OSBPL9: variants seen among roughly 807,000 people sequenced by gnomAD.
The protein encoded by OSBPL9 is oxysterol binding protein like 9.
A neutral mutation model predicts 106.6 loss-of-function variants in OSBPL9; 40 were observed. That is an observed-to-expected ratio of 0.38 (90% confidence interval 0.29 to 0.49). The LOEUF is 0.49. Ranked by LOEUF, OSBPL9 falls within the 20% of genes least tolerant of loss-of-function variation. The pLI, the probability that OSBPL9 is intolerant of heterozygous loss-of-function variation, is 0.97. For missense variants in OSBPL9, 609 were observed against 887.2 expected, an observed-to-expected ratio of 0.69 and a Z score of 3.98; for synonymous variants, 269 against 295.4, an observed-to-expected ratio of 0.91 and a Z score of 0.92.
At chr1:51,783,790 C>T (rs1412307148) in intron 17 of OSBPL9, 125 bp from the exon 18 acceptor site, 4 of 685,594 alleles carry the variant, frequency 5.8e-6, no homozygotes, top group East Asian at 2.7e-5. Context: ...TACCTCCTGG[C>T]GTAATTGGAG....
intron 4 of OSBPL9, among the ~76,000 whole-genome samples, chr1:51,731,456 G>GCAAAACAAAA (rs559132958): frequency 6.6e-6 from 1 of 151,740 alleles, no homozygotes; most frequent in Non-Finnish European, 1.5e-5. Context: ...CTGTCTCAAA[G>GCAAAACAAAA]CAAAACAAAA....
At chr1:51,713,241 C>T (rs1660436509) in intron 3 of OSBPL9, among the ~76,000 whole-genome samples, 1 of 152,104 alleles carries the variant, frequency 6.6e-6, no homozygotes, top group Non-Finnish European at 1.5e-5. Context: ...CCTCCGCCTC[C>T]CGGGTTCAAG....
At chr1:51,699,652 C>T (rs1215043519) in intron 3 of OSBPL9, among the ~76,000 whole-genome samples, 2 of 152,052 alleles carry the variant, frequency 1.3e-5, no homozygotes, top group African/African-American at 4.8e-5. Flanking sequence ...CATTTTATAC[C>T]TTCTCTGTCC....
intron 1 of OSBPL9, among the ~76,000 whole-genome samples, chr1:51,623,949 G>A (rs1275000589): frequency 1.3e-5 from 2 of 149,504 alleles, no homozygotes; most frequent in Admixed American, 6.7e-5. Context: ...TCGGAGTCTC[G>A]CTCTGTCACC....
chr1:51,604,141 A>G (rs543425317), intron 2 of OSBPL9, among the ~76,000 whole-genome samples: 20 of 152,338 alleles, frequency 1.3e-4, no homozygotes, highest in African/African-American at 4.8e-4. Context: ...TGTGTTCCCT[A>G]TAATAGCCTT....
At chr1:51,566,331 A>T in the OSBPL9 span, 1 of 152,188 alleles carries the variant, frequency 6.6e-6, no homozygotes, top group Admixed American at 6.6e-5. Context: ...ATGCCCTCTG[A>T]TGTCAGGTTT....
intron 4 of OSBPL9, chr1:51,745,113 A>G (rs1189119720): frequency 6.3e-6 from 1 of 158,816 alleles, no homozygotes; most frequent in Non-Finnish European, 1.4e-5. Context: ...CTAAACAGTG[A>G]GAATATGAAG....
rs573562834 is a variant in OSBPL9, at chr1:51,781,442, C to G, written c.1428+107C>G. On this transcript the variant is annotated intron_variant, in intron 16 of 23. Coordinates refer to ENST00000428468, the MANE Select transcript of OSBPL9 (RefSeq NM_024586.6). ...AAAGCAATGATCAAAAGATGGTCAC[C>G]ACCCATAGAAGAAATTGTTGTTAGA... 7.7e-5 allele frequency: 87 copies of G among 1,135,284 alleles called. 1 individual carries two copies. The African/African-American group carries it at 1.3e-3, about 16-fold the overall frequency. 70.3% of individuals were successfully genotyped at this position (1,135,284 alleles called of 1,614,324 possible).
intron 4 of OSBPL9, among the ~76,000 whole-genome samples, chr1:51,732,047 G>T (rs1664581736): frequency 6.6e-6 from 1 of 152,188 alleles, no homozygotes; most frequent in Non-Finnish European, 1.5e-5. Flanking sequence ...AATGTGAAAA[G>T]ATTATTATAT....
intron 2 of OSBPL9, among the ~76,000 whole-genome samples, chr1:51,600,799 A>G (rs569504909): frequency 6.6e-6 from 1 of 152,330 alleles, no homozygotes; most frequent in East Asian, 1.9e-4. Flanking sequence ...AGCACTTGGC[A>G]CAGAATAAGA....
At chr1:51,567,999 T>A in the OSBPL9 span, among the ~76,000 whole-genome samples, 1 of 152,234 alleles carries the variant, frequency 6.6e-6, no homozygotes, top group African/African-American at 2.4e-5. Context: ...GAGAAGGATT[T>A]AATAAAAGGA....
chr1:51,575,194 T>C (rs576443881), upstream of OSBPL9, among the ~76,000 whole-genome samples: 22 of 151,936 alleles, frequency 1.4e-4, no homozygotes, highest in African/African-American at 5.1e-4. Flanking sequence ...AATATCTAGG[T>C]TTTGTTTGTT....
intron 5 of OSBPL9, 129 bp from the exon 6 acceptor site, chr1:51,746,581 G>T: frequency 3.9e-5 from 24 of 611,024 alleles, no homozygotes; most frequent in Non-Finnish European, 4.5e-5. Context: ...ATGTTGTCTT[G>T]AAAATAACAT....
At chr1:51,652,299 A>G (rs184174983) in intron 2 of OSBPL9, among the ~76,000 whole-genome samples, 11 of 152,308 alleles carry the variant, frequency 7.2e-5, no homozygotes, top group African/African-American at 2.2e-4. Flanking sequence ...TTAAACCTCT[A>G]CTTTACAGAC....
At chr1:51,527,690 G>T in the OSBPL9 span, among the ~76,000 whole-genome samples, 1 of 152,046 alleles carries the variant, frequency 6.6e-6, no homozygotes, top group Non-Finnish European at 1.5e-5. Flanking sequence ...CACTGTGGCT[G>T]GGTGCCTGCC....
At chr1:51,646,051 G>A (rs2148688882) in intron 1 of OSBPL9, among the ~76,000 whole-genome samples, 1 of 152,312 alleles carries the variant, frequency 6.6e-6, no homozygotes, top group East Asian at 1.9e-4. Context: ...AGAAGTGTGA[G>A]TCCTCCAATG....
At chr1:51,692,912 A>G (rs139965046) in intron 3 of OSBPL9, among the ~76,000 whole-genome samples, 1 of 152,288 alleles carries the variant, frequency 6.6e-6, no homozygotes, top group East Asian at 1.9e-4. Flanking sequence ...AGAAAAAGAT[A>G]GTGCAGGATA....
At chr1:51,685,635 T>C (rs1330637565) in intron 3 of OSBPL9, among the ~76,000 whole-genome samples, 1 of 152,154 alleles carries the variant, frequency 6.6e-6, no homozygotes, top group Non-Finnish European at 1.5e-5. Context: ...TGACCTCAAG[T>C]TATCTGCCCG....
Position 51,633,063 on chromosome 1 carries a change from TCTC to T in OSBPL9, c.111+15845_111+15847del, listed in dbSNP as rs2148657675. On this transcript the variant is annotated intron_variant, in intron 1 of 23. Transcript: ENST00000428468. ...CCTCCACCTCCTGGGTTCAAGCAAT[TCTC>T]CTGCCTCAGCCTCCCAGGTAGCTGG... 2.0e-5 allele frequency among the ~76,000 whole-genome samples: 3 copies of T among 152,064 alleles called. No homozygotes were observed. In the East Asian group the frequency reaches 5.9e-4, roughly 30 times the overall value.
Sources: gnomAD v4.1 joint callset for allele counts (sites outside exome capture counted in the v4.1 genomes callset) on GRCh38, gnomAD v4.1.1 for gene constraint, MANE v1.5 for transcripts, NCBI Gene and HGNC (gene_info 2026-07-23, HGNC 2026-07-21) for gene names.